The following LARGE1 variants were observed in gnomAD, a reference collection of about 807,000 sequenced individuals.
LARGE1 encodes LARGE xylosyl- and glucuronyltransferase 1.
LARGE1 carries 43 observed loss-of-function variants against 87.6 expected under a neutral mutation model. That is an observed-to-expected ratio of 0.49 (90% CI 0.38 to 0.63). The LOEUF (loss-of-function observed/expected upper bound fraction) is 0.63. Among genes scored for constraint, LARGE1 ranks in the 30% least tolerant of loss-of-function variants. The pLI, the probability that LARGE1 is intolerant of heterozygous loss-of-function variation, is 0.00. For synonymous variants in LARGE1, 434 were observed against 394.6 expected (o/e 1.10, Z -1.18); for missense variants, 802 against 1,000.2 (o/e 0.80, Z 2.67).
intron 6 of LARGE1, among the ~76,000 whole-genome samples, chr22:33,516,826 C>T (rs769274364): frequency 6.6e-5 from 10 of 152,140 alleles, no homozygotes; most frequent in Admixed American, 2.6e-4. Flanking sequence ...CCTTGTGATG[C>T]GCCCACCTCG....
chr22:33,718,663 G>A (rs371074681), intron 2 of LARGE1, among the ~76,000 whole-genome samples: 9 of 152,344 alleles, frequency 5.9e-5, no homozygotes, highest in Non-Finnish European at 5.9e-5. Flanking sequence ...ATCAATGCAC[G>A]TTCATGCCCC....
At chr22:33,174,992 A>G (rs577125937) in intron 11 of LARGE1, among the ~76,000 whole-genome samples, 4 of 152,330 alleles carry the variant, frequency 2.6e-5, no homozygotes, top group African/African-American at 7.2e-5. Flanking sequence ...TGAGGCCAAC[A>G]TCATCCTGAT....
chr22:33,487,977 A>C (rs1409650535), intron 6 of LARGE1, among the ~76,000 whole-genome samples: 1 of 152,082 alleles, frequency 6.6e-6, no homozygotes, highest in Non-Finnish European at 1.5e-5. Flanking sequence ...TATTTAATTC[A>C]ATTGTGCTAC....
intron 12 of LARGE1, among the ~76,000 whole-genome samples, chr22:33,285,190 A>G (rs78325826): frequency 0.045 from 6,806 of 152,154 alleles, 204 homozygotes; most frequent in Middle Eastern, 0.089. Flanking sequence ...CTGCTTGGAC[A>G]CTGACCTTTG....
intron 7 of LARGE1, among the ~76,000 whole-genome samples, chr22:33,403,172 G>A (rs985247290): frequency 3.3e-5 from 5 of 152,230 alleles, no homozygotes; most frequent in Non-Finnish European, 7.3e-5. Flanking sequence ...GGGCAGTGGT[G>A]TGTGTTACTG....
At chr22:33,654,295 TGTTG>T (rs201290334) in intron 2 of LARGE1, among the ~76,000 whole-genome samples, 3,374 of 152,200 alleles carry the variant, frequency 0.022, 96 homozygotes, top group African/African-American at 0.071. Flanking sequence ...CTTTCCGGTT[TGTTG>T]GTTTGTTTTA....
At chr22:33,328,302 A>G (rs1411678755) in intron 10 of LARGE1, among the ~76,000 whole-genome samples, 1 of 152,116 alleles carries the variant, frequency 6.6e-6, no homozygotes, top group Admixed American at 6.6e-5. Context: ...TAAAATGGAG[A>G]TAACAGCAGT....
chr22:33,637,936 G>T (rs1050624209), intron 3 of LARGE1, among the ~76,000 whole-genome samples: 2 of 152,106 alleles, frequency 1.3e-5, no homozygotes, highest in African/African-American at 4.8e-5. Context: ...TACAGGGAGG[G>T]TACCTAAGGT....
At position 33,397,256 on chromosome 22, in the gene LARGE1, C is replaced by G. The variant is rs2065780624; in HGVS notation, c.893-12952G>C. Among the ~76,000 whole-genome samples the G allele has an allele frequency of 1.3e-5, 2 of 152,274 alleles. 1 individual carries two copies. The highest frequency in any genetic ancestry group is 6.8e-3 in the Middle Eastern group (2 of 294). ...TCAGCCTCCCGAGTAGCTGGGATAA[C>G]AGGCATGTGCCACTATGCCCGGCTA... On this transcript the variant is annotated intron_variant, in intron 7 of 14. Transcript: ENST00000397394.
chr22:33,888,165 C>T (rs944215605), intron 1 of LARGE1, among the ~76,000 whole-genome samples: 2 of 152,218 alleles, frequency 1.3e-5, no homozygotes, highest in Middle Eastern at 3.4e-3. Context: ...CAATGCCTCA[C>T]CTAGGACCAG....
intron 9 of LARGE1, among the ~76,000 whole-genome samples, chr22:33,369,007 AT>A (rs2064704344): frequency 6.6e-6 from 1 of 152,092 alleles, no homozygotes; most frequent in Non-Finnish European, 1.5e-5. Flanking sequence ...GTTGTGGCCA[AT>A]TTCTTAAAAT....
At position 33,904,672 on chromosome 22, in the gene LARGE1, G is replaced by A. The variant is rs573356073; in HGVS notation, c.-83+15323C>T. Among the ~76,000 whole-genome samples, 9 of 152,218 alleles carry A rather than the reference G, an allele frequency of 5.9e-5. No individual in the cohort carries two copies. The South Asian group carries it at 1.2e-3, about 21-fold the overall frequency. ...TCCAGCCCTGCCTGACGCTGCCCTCGGGTCTTCAGTCACTTAAGAAGATAA... is the reference window on the plus strand; with the variant it reads ...TCCAGCCCTGCCTGACGCTGCCCTCAGGTCTTCAGTCACTTAAGAAGATAA... On this transcript the variant is annotated intron_variant, in intron 1 of 14. Transcript: ENST00000397394.
chr22:33,215,683 G>T (rs1370394279), intron 11 of LARGE1, among the ~76,000 whole-genome samples: 1 of 152,128 alleles, frequency 6.6e-6, no homozygotes, highest in East Asian at 1.9e-4. Context: ...AAGGCTGGGC[G>T]TGGTGGCTCA....
At chr22:33,210,223 G>A (rs868584190) in intron 11 of LARGE1, among the ~76,000 whole-genome samples, 1 of 152,206 alleles carries the variant, frequency 6.6e-6, no homozygotes, top group Admixed American at 6.5e-5. Flanking sequence ...CCTACCAGCC[G>A]CCCTCCCGGC....
intron 6 of LARGE1, among the ~76,000 whole-genome samples, chr22:33,508,418 C>T (rs2070868608): frequency 1.3e-5 from 2 of 152,226 alleles, no homozygotes; most frequent in Admixed American, 6.5e-5. Context: ...ATGTTAATTA[C>T]ACCCTTACCA....
intron 2 of LARGE1, among the ~76,000 whole-genome samples, chr22:33,654,226 A>G (rs1368829691): frequency 1.3e-5 from 2 of 152,334 alleles, no homozygotes; most frequent in East Asian, 3.9e-4. Flanking sequence ...AAAAAGCAAC[A>G]TTCATGCTGT....
chr22:33,206,222 C>A (rs182138029), intron 11 of LARGE1, among the ~76,000 whole-genome samples: 22 of 151,984 alleles, frequency 1.4e-4, no homozygotes, highest in East Asian at 1.4e-3. Context: ...TCCCAAAGTG[C>A]TGGGATTACA....
chr22:33,297,126 A>C (rs1933392424), intron 12 of LARGE1, among the ~76,000 whole-genome samples: 1 of 152,164 alleles, frequency 6.6e-6, no homozygotes, highest in Non-Finnish European at 1.5e-5. Context: ...ACCTGGTGCC[A>C]CCTCTACCTG....
At chr22:33,360,863 G>A (rs907016080) in intron 9 of LARGE1, among the ~76,000 whole-genome samples, 1 of 149,882 alleles carries the variant, frequency 6.7e-6, no homozygotes, top group Non-Finnish European at 1.5e-5. Context: ...CTGTACATAA[G>A]GCAGCTCTCC....
Sources: gnomAD v4.1 joint callset for allele counts (sites outside exome capture counted in the v4.1 genomes callset) on GRCh38, gnomAD v4.1.1 for gene constraint, MANE v1.5 for transcripts, NCBI Gene and HGNC (gene_info 2026-07-23, HGNC 2026-07-21) for gene names.